HHIPL1: variants seen among roughly 807,000 people sequenced by gnomAD.
HHIPL1 encodes HHIP like 1, also known as HHIP-like protein 1.
Under a neutral mutation model 61.8 loss-of-function variants are expected in HHIPL1, and 43 were observed. The ratio of observed to expected loss-of-function variants is 0.70; its 90% CI spans 0.55 to 0.90. HHIPL1 has a LOEUF of 0.90. Among genes scored for constraint, HHIPL1 ranks in the 40% least tolerant of loss-of-function variants. HHIPL1 has a pLI of 0.00. For synonymous variants in HHIPL1, 482 were observed against 515.8 expected, an observed-to-expected ratio of 0.93 and a Z score of 0.89; for missense variants, 1,056 against 1,157.7, an observed-to-expected ratio of 0.91 and a Z score of 1.28.
Position 99,659,663 on chromosome 14 carries a change from G to A in HHIPL1, c.1282G>A (p.Val428Met), listed in dbSNP as rs2056111353. The change falls in exon 4 of 9, where the codon GTG (valine) becomes ATG (methionine). Residue 428 changes from valine (V) to methionine (M), a missense_variant. Transcript: ENST00000330710. ...GDVGQNKFEE[V>M]DVVERGGNYG... Reference sequence around the variant, plus strand: ...CGTGGGCCAGAACAAGTTCGAGGAGGTGGACGTGGTGGAGCGCGGCGGCAA... The same window carrying A: ...CGTGGGCCAGAACAAGTTCGAGGAGATGGACGTGGTGGAGCGCGGCGGCAA... The A allele has an allele frequency of 6.5e-7, 1 of 1,542,032 alleles. No individual in the cohort carries two copies. The highest frequency in any genetic ancestry group is 8.7e-7 in the Non-Finnish European group (1 of 1,148,838).
chr14:99,605,012 AG>A, the HHIPL1 span, among the ~76,000 whole-genome samples: 1 of 152,098 alleles, frequency 6.6e-6, no homozygotes, highest in Non-Finnish European at 1.5e-5. Context: ...CTGCAGGGCC[AG>A]GGCCTTGCCA....
At chr14:99,647,100 G>A (rs1595146099) in intron 1 of HHIPL1, among the ~76,000 whole-genome samples, 1 of 152,214 alleles carries the variant, frequency 6.6e-6, no homozygotes. Context: ...ACAGCCCAGC[G>A]GTGGTTGAGG....
chr14:99,618,007 G>T, the HHIPL1 span, among the ~76,000 whole-genome samples: 1 of 152,202 alleles, frequency 6.6e-6, no homozygotes, highest in Non-Finnish European at 1.5e-5. Context: ...AAGAGCAAGG[G>T]ACAGGCAGTC....
At chr14:99,629,918 T>C in the HHIPL1 span, among the ~76,000 whole-genome samples, 1 of 152,348 alleles carries the variant, frequency 6.6e-6, no homozygotes, top group African/African-American at 2.4e-5. Flanking sequence ...AGTGTTCTCA[T>C]TTTCCCTTCA....
the HHIPL1 span, among the ~76,000 whole-genome samples, chr14:99,628,052 C>T: frequency 6.6e-6 from 1 of 151,882 alleles, no homozygotes; most frequent in Non-Finnish European, 1.5e-5. Flanking sequence ...GGGGGCAGGC[C>T]ATGAGGGACT....
intron 1 of HHIPL1, among the ~76,000 whole-genome samples, chr14:99,647,528 G>T (rs73348544): frequency 0.029 from 4,451 of 152,346 alleles, 208 homozygotes; most frequent in African/African-American, 0.1. Context: ...GGACAGCCTG[G>T]CTTTAAGCAA....
chr14:99,672,435 G>A (rs1181051361), intron 8 of HHIPL1, 36 bp downstream of exon 8: 2 of 1,519,702 alleles, frequency 1.3e-6, no homozygotes, highest in African/African-American at 1.4e-5. Context: ...AGGGTTGGGG[G>A]AGAGATCCCG....
Position 99,646,502 on chromosome 14 carries a change from T to C in HHIPL1, c.255+1040T>C, listed in dbSNP as rs550185065. ...AATATCTTTAAAATGAAGCTGAGTA[T>C]GGTGGCTTATGCCTGTAATCCCAGC... On this transcript the variant is annotated intron_variant, in intron 1 of 8. Transcript: ENST00000330710. Among the ~76,000 whole-genome samples, 15 of 152,314 alleles carry C rather than the reference T, an allele frequency of 9.8e-5. No homozygotes were observed. The East Asian group carries it at 2.1e-3, about 22-fold the overall frequency.
Position 99,659,587 on chromosome 14 carries a change from C to T in HHIPL1, c.1206C>T (p.Asp402=). The T allele has an allele frequency of 1.3e-6, 2 of 1,552,594 alleles. No individual in the cohort carries two copies. Among genetic ancestry groups the T allele is most frequent in the Non-Finnish European group, 1.7e-6 (2 of 1,152,154 alleles). ...GVRNMWRCSF[D]RGDPSSGTGR... Reference sequence around the variant, plus strand: ...GCAACATGTGGCGCTGCTCCTTCGACCGTGGCGACCCCTCCTCGGGCACTG... The same window carrying T: ...GCAACATGTGGCGCTGCTCCTTCGATCGTGGCGACCCCTCCTCGGGCACTG... Residue 402 remains aspartate, a synonymous_variant, in exon 4 of 9, where the codon GAC becomes GAT. Transcript: ENST00000330710.
chr14:99,644,449 C>A (rs2055793700), upstream of HHIPL1, among the ~76,000 whole-genome samples: 1 of 112,140 alleles, frequency 8.9e-6, no homozygotes, highest in South Asian at 3.2e-4. Flanking sequence ...AGCGTGTGTG[C>A]GTCTGTATGT....
rs1270842833 is a variant in HHIPL1, at chr14:99,659,773, C to G, written c.1375+17C>G. 4 of 1,329,458 alleles carry G rather than the reference C, an allele frequency of 3.0e-6. No individual in the cohort carries two copies. In the African/African-American group the frequency reaches 4.8e-5, roughly 16 times the overall value. 82.4% of individuals were successfully genotyped at this position (1,329,458 alleles called of 1,614,324 possible). A position where few individuals can be genotyped will look rare whatever the true frequency, so the allele number is the denominator to read the frequency against. On this transcript the variant is annotated intron_variant, in intron 4 of 8. Transcript: ENST00000330710. ...CCTCTCTCAGTGAGTGCCCGCGCCC[C>G]GGGGACCCCGGCCCCGAATCCGCCC...
the HHIPL1 span, among the ~76,000 whole-genome samples, chr14:99,617,535 G>A: frequency 6.6e-6 from 1 of 152,178 alleles, no homozygotes; most frequent in East Asian, 1.9e-4. Flanking sequence ...GGAAAGGGAG[G>A]GGAATCGGGG....
chr14:99,667,484 G>A (rs555165365), intron 6 of HHIPL1, among the ~76,000 whole-genome samples: 7 of 152,256 alleles, frequency 4.6e-5, no homozygotes, highest in Admixed American at 1.3e-4. Flanking sequence ...GAACTCCAAC[G>A]GTTACATTTT....
At position 99,678,638 on chromosome 14, in the gene HHIPL1, T is replaced by C. The variant is rs370496040; in HGVS notation, c.*3012T>C. On this transcript the variant is annotated 3_prime_UTR_variant, in exon 9 of 9. Coordinates refer to ENST00000330710, the MANE Select transcript of HHIPL1 (RefSeq NM_001127258.3). ...GGATAAAGGAAAAGAGGAAGTTGCTTACGAAAGGACTTAGAAAAGTAATAA... is the reference window on the plus strand; with the variant it reads ...GGATAAAGGAAAAGAGGAAGTTGCTCACGAAAGGACTTAGAAAAGTAATAA... 1 of 152,214 alleles carries C rather than the reference T, an allele frequency of 6.6e-6. No homozygotes were observed. Among genetic ancestry groups the C allele is most frequent in the East Asian group, 1.9e-4 (1 of 5,206 alleles). The allele number at this position is 152,214 out of a possible 1,614,324, so 9.4% of individuals were successfully genotyped here. A position where few individuals can be genotyped will look rare whatever the true frequency, so the allele number is the denominator to read the frequency against.
chr14:99,670,925 G>C (rs2056320263), intron 7 of HHIPL1, among the ~76,000 whole-genome samples: 1 of 152,152 alleles, frequency 6.6e-6, no homozygotes, highest in Admixed American at 6.5e-5. Context: ...CCTAATTCAT[G>C]CCAGATGTTG....
At position 99,675,408 on chromosome 14, in the gene HHIPL1, G is replaced by T; in HGVS notation, c.2131G>T (p.Val711Phe). Reference protein sequence around the residue: ...DDSWNISGAAVVCRQLGFAYA... With the variant: ...DDSWNISGAAFVCRQLGFAYA... ...CTCCTGGAACATCAGCGGCGCCGCC[G>T]TCGTGTGTCGCCAGCTGGGGTTTGC... Residue 711 changes from valine (V) to phenylalanine (F), a missense_variant, in exon 9 of 9, where the codon GTC becomes TTC. By Grantham distance (50) the Val-to-Phe change is conservative. Coordinates refer to ENST00000330710, the MANE Select transcript of HHIPL1 (RefSeq NM_001127258.3). The surrounding 1 kb of genome is among the most constrained non-coding windows in gnomAD (Gnocchi z 5.4). 6.5e-7 allele frequency: 1 copy of T among 1,529,588 alleles called. No individual in the cohort carries two copies. Among genetic ancestry groups the T allele is most frequent in the South Asian group, 1.2e-5 (1 of 83,272 alleles). 94.8% of individuals were successfully genotyped at this position (1,529,588 alleles called of 1,614,324 possible).
At position 99,660,079 on chromosome 14, in the gene HHIPL1, T is replaced by C. The variant is rs2400763; in HGVS notation, c.1376-201T>C. 0.39 allele frequency among the ~76,000 whole-genome samples: 58,879 copies of C among 151,118 alleles called. 11,584 individuals are homozygous for C. Among genetic ancestry groups the C allele is most frequent in the Middle Eastern group, 0.47 (137 of 294 alleles). On this transcript the variant is annotated intron_variant, in intron 4 of 8. Coordinates refer to ENST00000330710, the MANE Select transcript of HHIPL1 (RefSeq NM_001127258.3). The surrounding 1 kb of genome is among the most constrained non-coding windows in gnomAD (Gnocchi z 4.9). The stretch of plus-strand genomic sequence containing the variant: ...GCCTCCCAGCAGCGCTCTTGAGTTC[T>C]TCCTCGCTCCATCCCCACCTGGCAC...
chr14:99,609,499 A>G, the HHIPL1 span, among the ~76,000 whole-genome samples: 1 of 152,194 alleles, frequency 6.6e-6, no homozygotes, highest in Non-Finnish European at 1.5e-5. Context: ...GATTCTGGGT[A>G]TGGCCCTGGG....
chr14:99,641,574 T>G (rs987639193), upstream of HHIPL1, among the ~76,000 whole-genome samples: 4 of 151,978 alleles, frequency 2.6e-5, no homozygotes, highest in Non-Finnish European at 5.9e-5. Flanking sequence ...CCACCATGCC[T>G]GGCTAATTTT....
Sources: allele counts gnomAD v4.1 joint callset (sites outside exome capture counted in the v4.1 genomes callset), GRCh38; gene constraint gnomAD v4.1.1; non-coding constraint Gnocchi (gnomAD v3.1); transcripts MANE v1.5; gene names NCBI Gene and HGNC (gene_info 2026-07-23, HGNC 2026-07-21).